The following STAC variants were observed in gnomAD, a reference collection of about 807,000 sequenced individuals.
STAC encodes the protein SH3 and cysteine rich domain.
In STAC, 43 loss-of-function variants were observed where a neutral mutation model predicts 48.8. The observed-to-expected ratio is 0.88, with a 90% CI of 0.69 to 1.14. The LOEUF (loss-of-function observed/expected upper bound fraction) is 1.14. STAC is among the 50% of genes most tolerant of loss of function. The pLI is 0.00. For missense variants in STAC, 497 were observed against 504.0 expected, an observed-to-expected ratio of 0.99 and a Z score of 0.13; for synonymous variants, 193 against 179.5, an observed-to-expected ratio of 1.07 and a Z score of -0.60.
At chr3:36,451,197 C>T (rs190028201) in intron 2 of STAC, among the ~76,000 whole-genome samples, 139 of 152,112 alleles carry the variant, frequency 9.1e-4, no homozygotes, top group Non-Finnish European at 1.3e-3. Flanking sequence ...TCTCATCTTT[C>T]GGCAGATATA....
At chr3:36,463,137 AATTTTGGTTTC>A (rs1697065561) in intron 2 of STAC, among the ~76,000 whole-genome samples, 2 of 152,162 alleles carry the variant, frequency 1.3e-5, no homozygotes, top group African/African-American at 4.8e-5. Context: ...TGCTTCGAGA[AATTTTGGTTTC>A]ATTTTTAGTG....
intron 1 of STAC, among the ~76,000 whole-genome samples, chr3:36,433,271 T>G (rs1391149891): frequency 6.6e-6 from 1 of 152,134 alleles, no homozygotes; most frequent in African/African-American, 2.4e-5. Context: ...AACTGGGGCC[T>G]GCTCTTAGTT....
At chr3:36,527,537 G>GA (rs1290049445) in intron 8 of STAC, among the ~76,000 whole-genome samples, 1 of 151,896 alleles carries the variant, frequency 6.6e-6, no homozygotes, top group Admixed American at 6.6e-5. Context: ...ATAAAATTGA[G>GA]AAAAAAATTT....
At chr3:36,439,430 T>A (rs935640961) in intron 1 of STAC, among the ~76,000 whole-genome samples, 4 of 152,206 alleles carry the variant, frequency 2.6e-5, no homozygotes, top group Non-Finnish European at 4.4e-5. Flanking sequence ...TGGGTGTTAT[T>A]CTGATTTTGA....
intron 5 of STAC, among the ~76,000 whole-genome samples, chr3:36,490,385 C>T (rs999805500): frequency 2.6e-5 from 4 of 152,110 alleles, no homozygotes; most frequent in African/African-American, 9.7e-5. Flanking sequence ...TAGATGCCAC[C>T]CAGCAATCAA....
At chr3:36,535,287 G>A (rs551852104) in intron 10 of STAC, among the ~76,000 whole-genome samples, 8 of 152,100 alleles carry the variant, frequency 5.3e-5, no homozygotes, top group South Asian at 2.1e-4. Context: ...CGTTGTTGGC[G>A]TATAGTAATG....
At chr3:36,501,025 G>A (rs115633950) in intron 6 of STAC, among the ~76,000 whole-genome samples, 287 of 152,240 alleles carry the variant, frequency 1.9e-3, no homozygotes, top group African/African-American at 6.5e-3. Context: ...CTGGAAGGTC[G>A]AGGCTGCAGT....
intron 10 of STAC, among the ~76,000 whole-genome samples, chr3:36,540,940 C>T (rs1279671068): frequency 6.6e-6 from 1 of 152,122 alleles, no homozygotes; most frequent in Admixed American, 6.5e-5. Context: ...AAATCAAACT[C>T]AAACTTAAAG....
chr3:36,506,983 G>C (rs1437251400), intron 8 of STAC, among the ~76,000 whole-genome samples: 1 of 152,138 alleles, frequency 6.6e-6, no homozygotes, highest in Non-Finnish European at 1.5e-5. Flanking sequence ...TGGTGAGAGA[G>C]GGCATCCTTG....
intron 10 of STAC, among the ~76,000 whole-genome samples, chr3:36,535,733 G>T (rs1699182058): frequency 6.6e-6 from 1 of 152,112 alleles, no homozygotes; most frequent in African/African-American, 2.4e-5. Flanking sequence ...TAATCATGTG[G>T]TTTTTGTCTT....
chr3:36,408,136 A>C (rs961713295), intron 1 of STAC, among the ~76,000 whole-genome samples: 4 of 152,234 alleles, frequency 2.6e-5, no homozygotes, highest in African/African-American at 9.6e-5. Flanking sequence ...TCTTGTATAC[A>C]ATAACAACGT....
intron 2 of STAC, among the ~76,000 whole-genome samples, chr3:36,481,316 G>C (rs1244042413): frequency 6.6e-6 from 1 of 152,216 alleles, no homozygotes; most frequent in Non-Finnish European, 1.5e-5. Context: ...CAGAAAGGCA[G>C]AGAGAACCTG....
At chr3:36,444,782 C>CT (rs200552033) in intron 2 of STAC, among the ~76,000 whole-genome samples, 6,052 of 152,238 alleles carry the variant, frequency 0.04, 166 homozygotes, top group Middle Eastern at 0.072. Context: ...GATTACTGAT[C>CT]TTTTTTTGTT....
intron 2 of STAC, among the ~76,000 whole-genome samples, chr3:36,482,176 C>A (rs1459368505): frequency 6.6e-6 from 1 of 152,162 alleles, no homozygotes; most frequent in Non-Finnish European, 1.5e-5. Flanking sequence ...GCAGAACACA[C>A]CCATTTTAAC....
chr3:36,512,283 A>G (rs1559520177), intron 8 of STAC, among the ~76,000 whole-genome samples: 2 of 152,184 alleles, frequency 1.3e-5, no homozygotes, highest in South Asian at 4.2e-4. Flanking sequence ...CAGACATGAC[A>G]AGCCCTGTGA....
Position 36,486,030 on chromosome 3 carries a change from A to C in STAC, c.572-104A>C. The C allele has an allele frequency of 3.6e-6, 3 of 839,744 alleles. No individual in the cohort carries two copies. In the South Asian group the frequency reaches 4.7e-5, roughly 13 times the overall value. The allele number at this position is 839,744 out of a possible 1,614,324, so 52.0% of individuals were successfully genotyped here. ...CTACCCAGAGGCTAAGTTCCTCTGC[A>C]CAGAGCCTGCTTCTCAGGCGCTGTT... On this transcript the variant is annotated intron_variant, in intron 4 of 10. Coordinates refer to ENST00000273183, the MANE Select transcript of STAC (RefSeq NM_003149.3).
At chr3:36,396,606 T>C (rs948396827) in intron 1 of STAC, among the ~76,000 whole-genome samples, 9 of 152,106 alleles carry the variant, frequency 5.9e-5, no homozygotes, top group Non-Finnish European at 1.0e-4. Flanking sequence ...GGCAAGAAAA[T>C]GTTCCAAGCA....
intron 8 of STAC, among the ~76,000 whole-genome samples, chr3:36,513,631 C>G (rs1698597230): frequency 6.6e-6 from 1 of 152,122 alleles, no homozygotes; most frequent in Non-Finnish European, 1.5e-5. Context: ...AATAATAAGG[C>G]TTACTAACTA....
At chr3:36,477,863 A>T (rs1697534372) in intron 2 of STAC, among the ~76,000 whole-genome samples, 1 of 152,210 alleles carries the variant, frequency 6.6e-6, no homozygotes, top group South Asian at 2.1e-4. Context: ...ACATCTCCGT[A>T]TCCAAAGAGC....
Sources: allele counts gnomAD v4.1 joint callset (sites outside exome capture counted in the v4.1 genomes callset), GRCh38; gene constraint gnomAD v4.1.1; transcripts MANE v1.5; gene names NCBI Gene and HGNC (gene_info 2026-07-23, HGNC 2026-07-21).